Variants in ZBTB20 observed in about 807,000 individuals in gnomAD.
ZBTB20 encodes zinc finger and BTB domain-containing protein 20.
In ZBTB20, 9 loss-of-function variants were observed where a neutral mutation model predicts 56.9. The observed-to-expected ratio is 0.16, with a 90% CI of 0.10 to 0.28. The LOEUF is 0.28. ZBTB20 is among the 10% of genes least tolerant of loss of function. The probability of loss-of-function intolerance (pLI) is 1.00; values close to 1 mark genes in which losing one functional copy is unlikely to be tolerated. For synonymous variants in ZBTB20, 417 were observed against 420.7 expected (o/e 0.99, Z 0.11); for missense variants, 655 against 1,003.0 (o/e 0.65, Z 4.69).
At chr3:114,995,532 A>G (rs931491255) in intron 2 of ZBTB20, among the ~76,000 whole-genome samples, 14 of 151,648 alleles carry the variant, frequency 9.2e-5, no homozygotes, top group Non-Finnish European at 2.9e-5. Flanking sequence ...TCATATAAAG[A>G]CCCCTATTTC....
chr3:115,118,478 T>G (rs1273454057), intron 1 of ZBTB20, among the ~76,000 whole-genome samples: 2 of 152,130 alleles, frequency 1.3e-5, no homozygotes, highest in Non-Finnish European at 2.9e-5. Flanking sequence ...TCACTGTCAC[T>G]CTGTAATCAT....
rs143412869 is a variant in ZBTB20 at position 114,583,617 on chromosome 3, C to T, written c.-294-83226G>A. 8.8e-3 allele frequency among the ~76,000 whole-genome samples: 1,333 copies of T among 152,084 alleles called. 22 individuals are homozygous for T. The highest frequency in any genetic ancestry group is 0.028 in the African/African-American group (1,158 of 41,506). ...AAACATGTTTTTAGGTAAATAGGAA[C>T]GGTGCAAGTGTTTCTTTGAAATCTT... On this transcript the variant is annotated intron_variant, in intron 6 of 11. Transcript: ENST00000675478.
At chr3:114,937,520 C>G (rs1046968787) in intron 3 of ZBTB20, among the ~76,000 whole-genome samples, 1 of 151,944 alleles carries the variant, frequency 6.6e-6, no homozygotes, top group Non-Finnish European at 1.5e-5. Flanking sequence ...CTCCCGCGTT[C>G]AAGTGATTCT....
rs149919077 is a variant in ZBTB20, at chr3:115,009,881, T to C, written c.-506-35465A>G. On this transcript the variant is annotated intron_variant, in intron 2 of 11. Coordinates refer to ENST00000675478, the MANE Select transcript of ZBTB20 (RefSeq NM_001348800.3). ...TCACAGCCTCGAGAACAGTGAGCAA[T>C]AAATTTTTCTTTATACATTACCCAG... 3.6e-3 allele frequency among the ~76,000 whole-genome samples: 551 copies of C among 152,008 alleles called. 2 individuals carry two copies. The highest frequency in any genetic ancestry group is 6.8e-3 in the Non-Finnish European group (460 of 67,892).
At chr3:114,934,003 C>G (rs988446757) in intron 3 of ZBTB20, among the ~76,000 whole-genome samples, 1 of 152,132 alleles carries the variant, frequency 6.6e-6, no homozygotes, top group South Asian at 2.1e-4. Context: ...ACTAATACCA[C>G]AGGAAAGGGT....
At chr3:114,413,306 C>T (rs2108779002) in intron 7 of ZBTB20, among the ~76,000 whole-genome samples, 1 of 152,230 alleles carries the variant, frequency 6.6e-6, no homozygotes, top group East Asian at 1.9e-4. Flanking sequence ...CATCTTACTA[C>T]TTTTCAAAAG....
intron 7 of ZBTB20, among the ~76,000 whole-genome samples, chr3:114,435,054 A>G (rs1170058270): frequency 6.6e-6 from 1 of 152,170 alleles, no homozygotes; most frequent in African/African-American, 2.4e-5. Flanking sequence ...ATCCTATTGT[A>G]TGTATGATCC....
At chr3:114,551,656 G>A (rs1369225944) in intron 6 of ZBTB20, among the ~76,000 whole-genome samples, 2 of 152,112 alleles carry the variant, frequency 1.3e-5, no homozygotes, top group Non-Finnish European at 2.9e-5. Flanking sequence ...GCTTTTCTTT[G>A]GAAACCATGG....
chr3:114,372,630 C>T (rs910173558), intron 10 of ZBTB20, among the ~76,000 whole-genome samples: 1 of 152,068 alleles, frequency 6.6e-6, no homozygotes, highest in Non-Finnish European at 1.5e-5. Context: ...GGATTCGAGA[C>T]CAGCCTGGGC....
rs1375710561 is a variant in ZBTB20, at chr3:114,335,812, T to G, written c.*3193A>C. The stretch of plus-strand genomic sequence containing the variant: ...AGGGATCCTCCACCTCCTCCCCCAC[T>G]CCCTTTTTTTTAAGAGACACTTCCT... On this transcript the variant is annotated 3_prime_UTR_variant, in exon 12 of 12. Transcript: ENST00000675478. The G allele has an allele frequency of 6.6e-6, 1 of 152,056 alleles. No homozygotes were observed. Among genetic ancestry groups the G allele is most frequent in the East Asian group, 1.9e-4 (1 of 5,196 alleles). 9.4% of individuals were successfully genotyped at this position (152,056 alleles called of 1,614,324 possible). A position where few individuals can be genotyped will look rare whatever the true frequency, so the allele number is the denominator to read the frequency against.
At chr3:114,436,070 A>G (rs2108923517) in intron 7 of ZBTB20, among the ~76,000 whole-genome samples, 1 of 152,310 alleles carries the variant, frequency 6.6e-6, no homozygotes, top group East Asian at 1.9e-4. Context: ...TGCTGGTGCA[A>G]TCCACCTTCC....
intron 6 of ZBTB20, among the ~76,000 whole-genome samples, chr3:114,572,234 T>A (rs1039276948): frequency 3.3e-5 from 5 of 152,200 alleles, no homozygotes; most frequent in African/African-American, 1.2e-4. Flanking sequence ...TCTTGAAAGA[T>A]GTTTACTTCT....
intron 6 of ZBTB20, among the ~76,000 whole-genome samples, chr3:114,611,089 T>C (rs1018788682): frequency 6.6e-6 from 1 of 152,170 alleles, no homozygotes; most frequent in Non-Finnish European, 1.5e-5. Flanking sequence ...CCTTGGGATC[T>C]CTGGGACTAT....
intron 7 of ZBTB20, among the ~76,000 whole-genome samples, chr3:114,474,234 C>A (rs530105777): frequency 6.6e-6 from 1 of 152,204 alleles, no homozygotes; most frequent in Non-Finnish European, 1.5e-5. Flanking sequence ...CCATATCCCA[C>A]AGGAATATGT....
At chr3:114,604,530 C>G (rs140206976) in intron 6 of ZBTB20, among the ~76,000 whole-genome samples, 1 of 151,794 alleles carries the variant, frequency 6.6e-6, no homozygotes, top group African/African-American at 2.4e-5. Context: ...TATATTTAAA[C>G]AAATATATTT....
intron 1 of ZBTB20, among the ~76,000 whole-genome samples, chr3:115,081,435 C>T (rs529800265): frequency 8.5e-5 from 13 of 152,198 alleles, no homozygotes; most frequent in East Asian, 1.9e-4. Context: ...CATTTCAGTA[C>T]GATGCTGCTT....
At chr3:114,998,016 T>C (rs1423371758) in intron 2 of ZBTB20, among the ~76,000 whole-genome samples, 1 of 151,768 alleles carries the variant, frequency 6.6e-6, no homozygotes, top group Non-Finnish European at 1.5e-5. Context: ...TTTAAGGTGC[T>C]CAGCATGTTT....
chr3:114,424,641 G>A (rs973137620), intron 7 of ZBTB20, among the ~76,000 whole-genome samples: 2 of 152,132 alleles, frequency 1.3e-5, no homozygotes, highest in Non-Finnish European at 2.9e-5. Flanking sequence ...GGGGAGCCCC[G>A]TTTAACGTGT....
At chr3:114,373,027 C>G (rs1018147588) in intron 10 of ZBTB20, among the ~76,000 whole-genome samples, 1 of 151,978 alleles carries the variant, frequency 6.6e-6, no homozygotes, top group African/African-American at 2.4e-5. Context: ...AGCGATTCTC[C>G]TACCTCAGCC....
Sources: allele counts gnomAD v4.1 joint callset (sites outside exome capture counted in the v4.1 genomes callset), GRCh38; gene constraint gnomAD v4.1.1; transcripts MANE v1.5; gene names NCBI Gene and HGNC (gene_info 2026-07-23, HGNC 2026-07-21).